The following WWOX variants were observed in gnomAD, a reference collection of about 807,000 sequenced individuals.
The protein encoded by WWOX is WW domain-containing oxidoreductase.
Under a neutral mutation model 46.2 loss-of-function variants are expected in WWOX, and 69 were observed. The observed-to-expected ratio is 1.49, with a 90% confidence interval of 1.23 to 1.82. The LOEUF is 1.82. WWOX is among the 40% of genes most tolerant of loss of function. The pLI, the probability that WWOX is intolerant of heterozygous loss-of-function variation, is 0.00. For missense variants in WWOX, 919 were observed against 542.6 expected (o/e 1.69, Z -6.89); for synonymous variants, 359 against 202.6 (o/e 1.77, Z -6.56).
intron 8 of WWOX, among the ~76,000 whole-genome samples, chr16:78,930,579 C>G (rs2045602567): frequency 1.3e-5 from 2 of 149,798 alleles, no homozygotes; most frequent in South Asian, 2.1e-4. Context: ...GCATAGGCTG[C>G]TGCACCAGGC....
intron 5 of WWOX, among the ~76,000 whole-genome samples, chr16:78,303,518 T>C (rs2080079583): frequency 6.6e-6 from 1 of 152,026 alleles, no homozygotes; most frequent in Non-Finnish European, 1.5e-5. Flanking sequence ...GCTCTTTCGT[T>C]TTTGTTTTTT....
chr16:78,518,184 A>G (rs999997451), intron 8 of WWOX, among the ~76,000 whole-genome samples: 2 of 152,058 alleles, frequency 1.3e-5, no homozygotes, highest in Non-Finnish European at 2.9e-5. Context: ...GGGGCTTAAT[A>G]TGTGGTAGTT....
chr16:78,387,638 G>A (rs891573997), intron 6 of WWOX, among the ~76,000 whole-genome samples: 1 of 152,042 alleles, frequency 6.6e-6, no homozygotes, highest in Non-Finnish European at 1.5e-5. Context: ...CTGAAACACT[G>A]AGCTAAGGAA....
intron 5 of WWOX, among the ~76,000 whole-genome samples, chr16:78,283,309 A>T (rs1162908648): frequency 1.3e-5 from 2 of 152,100 alleles, no homozygotes; most frequent in Non-Finnish European, 2.9e-5. Context: ...GTATTTACTG[A>T]CCTGCTCCCC....
At chr16:78,556,765 G>C (rs1381278667) in intron 8 of WWOX, among the ~76,000 whole-genome samples, 1 of 151,994 alleles carries the variant, frequency 6.6e-6, no homozygotes, top group African/African-American at 2.4e-5. Context: ...GCCCAGCCTG[G>C]AGTGAAGTGG....
chr16:78,394,112 T>G (rs1237015150), intron 6 of WWOX, among the ~76,000 whole-genome samples: 1 of 152,218 alleles, frequency 6.6e-6, no homozygotes, highest in Non-Finnish European at 1.5e-5. Flanking sequence ...AAGACCAACG[T>G]GTAAATTACA....
chr16:79,022,877 C>G (rs920526398), intron 8 of WWOX, among the ~76,000 whole-genome samples: 10 of 152,252 alleles, frequency 6.6e-5, no homozygotes, highest in Non-Finnish European at 5.9e-5. Context: ...GCTTTGTGAC[C>G]TTTCTGCAGG....
chr16:78,497,598 G>C (rs1210910215), intron 8 of WWOX, among the ~76,000 whole-genome samples: 7 of 152,220 alleles, frequency 4.6e-5, no homozygotes, highest in African/African-American at 1.2e-4. Context: ...TGTACACACA[G>C]CGTAAATGCA....
At chr16:79,128,400 C>G (rs970295293) in intron 8 of WWOX, among the ~76,000 whole-genome samples, 1 of 151,368 alleles carries the variant, frequency 6.6e-6, no homozygotes, top group African/African-American at 2.4e-5. Context: ...AAAAAAAACA[C>G]TAAACCCCAA....
At chr16:78,575,132 C>T (rs1224053230) in intron 8 of WWOX, among the ~76,000 whole-genome samples, 40 of 104,690 alleles carry the variant, frequency 3.8e-4, no homozygotes, top group Non-Finnish European at 2.2e-4. Flanking sequence ...AGTTAAAATA[C>T]GAAGATTTTT....
chr16:78,508,795 C>G (rs1396299822), intron 8 of WWOX, among the ~76,000 whole-genome samples: 6 of 152,218 alleles, frequency 3.9e-5, no homozygotes, highest in Non-Finnish European at 8.8e-5. Context: ...CAGGGCTGAT[C>G]TGGTGGCTGG....
chr16:78,882,612 C>T (rs1366751946), intron 8 of WWOX, among the ~76,000 whole-genome samples: 1 of 123,228 alleles, frequency 8.1e-6, no homozygotes, highest in Non-Finnish European at 1.7e-5. Context: ...AGTAGCCTCC[C>T]GAGTAGCTGG....
chr16:78,630,777 C>T lies in WWOX; in HGVS notation c.1056+198025C>T, dbSNP rs371585374. Among the ~76,000 whole-genome samples the T allele has an allele frequency of 3.3e-5, 5 of 152,106 alleles. No individual in the cohort carries two copies. In the South Asian group the frequency reaches 1.0e-3, roughly 32 times the overall value. On this transcript the variant is annotated intron_variant, in intron 8 of 8. Coordinates refer to ENST00000566780, the MANE Select transcript of WWOX (RefSeq NM_016373.4). Reference sequence around the variant, plus strand: ...CCAAACCTGGGTTGGCGTTTCAGTGCCTGACACAGTTGTATTCCTAAGACA... The same window carrying T: ...CCAAACCTGGGTTGGCGTTTCAGTGTCTGACACAGTTGTATTCCTAAGACA...
chr16:79,148,486 T>C (rs12050992), intron 8 of WWOX, among the ~76,000 whole-genome samples: 43,270 of 152,076 alleles, frequency 0.28, 6,474 homozygotes, highest in East Asian at 0.48. Context: ...AAGCCTCATG[T>C]CAGGTAGAGT....
At chr16:79,096,775 A>C (rs955319065) in intron 8 of WWOX, among the ~76,000 whole-genome samples, 1 of 152,166 alleles carries the variant, frequency 6.6e-6, no homozygotes, top group Non-Finnish European at 1.5e-5. Flanking sequence ...CCCCATCACT[A>C]GGAACCTCAT....
chr16:78,663,170 CG>C (rs1291573268), intron 8 of WWOX, among the ~76,000 whole-genome samples: 1 of 152,148 alleles, frequency 6.6e-6, no homozygotes, highest in Non-Finnish European at 1.5e-5. Context: ...TTTATACCCC[CG>C]ATCTCTTGAC....
intron 7 of WWOX, among the ~76,000 whole-genome samples, 183 bp downstream of exon 7, chr16:78,425,238 A>C (rs775250759): frequency 6.6e-6 from 1 of 152,120 alleles, no homozygotes; most frequent in Non-Finnish European, 1.5e-5. Flanking sequence ...GGGACTGTTT[A>C]GAAGGACTTT....
chr16:78,804,809 GA>G (rs1026115468), intron 8 of WWOX, among the ~76,000 whole-genome samples: 1 of 151,338 alleles, frequency 6.6e-6, no homozygotes, highest in African/African-American at 2.4e-5. Flanking sequence ...CAATAGAAAA[GA>G]AAAAAAAATC....
intron 8 of WWOX, among the ~76,000 whole-genome samples, chr16:78,912,314 T>C (rs1472753): frequency 0.92 from 140,540 of 151,998 alleles, 65,994 homozygotes; most frequent in East Asian, 1. Flanking sequence ...ATGCACCTTA[T>C]GTGTGTTATT....
Sources: allele counts gnomAD v4.1 joint callset (sites outside exome capture counted in the v4.1 genomes callset), GRCh38; gene constraint gnomAD v4.1.1; transcripts MANE v1.5; gene names NCBI Gene and HGNC (gene_info 2026-07-23, HGNC 2026-07-21).